NIT1: variants seen among roughly 807,000 people sequenced by gnomAD.
The protein encoded by NIT1 is deaminated glutathione amidase.
Under a neutral mutation model 36.8 loss-of-function variants are expected in NIT1, and 30 were observed. That is an observed-to-expected ratio of 0.82 (90% CI 0.61 to 1.11). NIT1 has a LOEUF of 1.11. Among genes scored for constraint, NIT1 ranks in the 50% least tolerant of loss-of-function variants. The pLI is 0.00. For synonymous variants in NIT1, 151 were observed against 155.6 expected (o/e 0.97, Z 0.22); for missense variants, 438 against 410.6 (o/e 1.07, Z -0.58).
chr1:161,120,631 C>T lies in NIT1; in HGVS notation c.850C>T (p.Arg284Cys), dbSNP rs746087991. Residue 284 changes from arginine to cysteine, a missense_variant, in exon 7 of 7, where the codon CGC becomes TGC. Arg to Cys is a radical substitution (Grantham distance 180). Coordinates refer to ENST00000368009, the MANE Select transcript of NIT1 (RefSeq NM_005600.3). ...VVDPWGTVVA[R>C]CSEGPGLCLA... ...AGACCCCTGGGGAACAGTGGTGGCCCGCTGCTCTGAGGGGCCAGGCCTCTG... is the reference window on the plus strand; with the variant it reads ...AGACCCCTGGGGAACAGTGGTGGCCTGCTGCTCTGAGGGGCCAGGCCTCTG... 6.8e-6 allele frequency: 11 copies of T among 1,614,048 alleles called. No homozygotes were observed. Among genetic ancestry groups the T allele is most frequent in the African/African-American group, 2.7e-5 (2 of 74,920 alleles).
intron 1 of NIT1, 116 bp from the exon 2 acceptor site, chr1:161,118,670 G>C (rs1655083959): frequency 6.8e-7 from 1 of 1,476,520 alleles, no homozygotes; most frequent in Admixed American, 1.9e-5. Flanking sequence ...TTGAAGACTA[G>C]GTTTTTACTG....
downstream of NIT1, chr1:161,124,287 C>A (rs1357146985): frequency 6.2e-7 from 1 of 1,614,084 alleles, no homozygotes; most frequent in Non-Finnish European, 8.5e-7. Flanking sequence ...TCGGATGAGT[C>A]CACGCTCGTG....
At chr1:161,122,234 G>T (rs775789188), downstream of NIT1, 5 of 1,614,096 alleles carry the variant, frequency 3.1e-6, no homozygotes, top group Non-Finnish European at 4.2e-6. This position sits in a 1 kb window ranked among gnomAD's most constrained non-coding sequence, Gnocchi z 4.2. Flanking sequence ...CCAGCAGCTT[G>T]ATGGCTTCAT....
intron 2 of NIT1, 46 bp downstream of exon 2, chr1:161,118,927 AGTTT>A (rs757860110): frequency 9.5e-6 from 14 of 1,467,594 alleles, no homozygotes; most frequent in Non-Finnish European, 1.3e-5. Context: ...TTAGATGCTC[AGTTT>A]GTTAAATGGA....
chr1:161,119,186 G>A lies in NIT1; in HGVS notation c.151G>A (p.Val51Met), dbSNP rs760352516. The part of the protein sequence containing the change: ...SSSCELPLVA[V>M]CQVTSTPDKQ... ...CTCCTGCGAACTGCCCCTGGTGGCT[G>A]TGTGCCAGGTAACATCGACGCCAGA... The change falls in exon 3 of 7, where the codon GTG becomes ATG. Residue 51 changes from valine to methionine, a missense_variant. Physicochemically the swap from Val to Met is conservative, Grantham distance 21. Transcript: ENST00000368009. 14 of 1,614,142 alleles carry A rather than the reference G, an allele frequency of 8.7e-6. No homozygotes were observed. Among genetic ancestry groups the A allele is most frequent in the Non-Finnish European group, 1.2e-5 (14 of 1,180,032 alleles).
rs1290948297 is a variant in NIT1, at chr1:161,118,182, G to C, written c.2+4G>C. ...ATGGTTTTGGCTATATCTTCATGTA[G>C]GACCTACTCCCTATCCCGTCGGCCG... On this transcript the variant is annotated splice_donor_region_variant and intron_variant, in intron 1 of 6. Transcript: ENST00000368009. 1 of 1,613,974 alleles carries C rather than the reference G, an allele frequency of 6.2e-7. No homozygotes were observed. Among genetic ancestry groups the C allele is most frequent in the East Asian group, 2.2e-5 (1 of 44,898 alleles).
chr1:161,122,996 T>G, downstream of NIT1: 1 of 1,614,066 alleles, frequency 6.2e-7, no homozygotes, highest in Admixed American at 1.7e-5. This position sits in a 1 kb window ranked among gnomAD's most constrained non-coding sequence, Gnocchi z 4.2. Flanking sequence ...CTGAATAGCA[T>G]AAACTGCCCA....
In NIT1 at chr1:161,120,832, A is replaced by G. The variant is rs1278036458; in HGVS notation, c.*67A>G. 1.3e-6 allele frequency: 2 copies of G among 1,554,522 alleles called. No individual in the cohort carries two copies. Among genetic ancestry groups the G allele is most frequent in the African/African-American group, 1.4e-5 (1 of 73,082 alleles). On this transcript the variant is annotated 3_prime_UTR_variant, in exon 7 of 7. Coordinates refer to ENST00000368009, the MANE Select transcript of NIT1 (RefSeq NM_005600.3). The stretch of plus-strand genomic sequence containing the variant: ...ACCCTGCCACTATGAGCTAGTGCTC[A>G]TGTGACTTGGAGGCAGGATCCAGGC...
intron 1 of NIT1, 122 bp downstream of exon 1, chr1:161,118,300 G>GGGAGGGT (rs1655050549): frequency 6.3e-7 from 1 of 1,577,354 alleles, no homozygotes; most frequent in Non-Finnish European, 8.6e-7. Context: ...AGCGGGCGGC[G>GGGAGGGT]GGAGGGTGGA....
downstream of NIT1, chr1:161,123,896 C>A (rs769466281): frequency 2.5e-6 from 4 of 1,614,044 alleles, no homozygotes; most frequent in Non-Finnish European, 3.4e-6. Flanking sequence ...CTGGGGGTCA[C>A]ATAGCGAATT....
chr1:161,122,959 G>A (rs772698164), downstream of NIT1: 9 of 1,596,954 alleles, frequency 5.6e-6, no homozygotes, highest in East Asian at 1.6e-4. This position sits in a 1 kb window ranked among gnomAD's most constrained non-coding sequence, Gnocchi z 4.2. Context: ...GCCTCACTTT[G>A]CAATGGCAAT....
rs1557971571 is a variant in NIT1, at chr1:161,119,844, GAC to G, written c.487_488del (p.His163SerfsTer3). On this transcript the variant is annotated frameshift_variant, in exon 5 of 7. Transcript: ENST00000368009. LOFTEE classifies it high-confidence loss of function. ...GGGCAGTAGTGGCCACTTACAGGAA[GAC>G]ACATCTGTGTGACGTAGAGATTCCA... ...KGAVVATYRKTHLCDVEIPGQ... is the reference protein window; with the variant it reads ...KGAVVATYRKXHLCDVEIPGQ... 1 of 1,610,086 alleles carries G rather than the reference GAC, an allele frequency of 6.2e-7. No homozygotes were observed. The highest frequency in any genetic ancestry group is 2.2e-5 in the East Asian group (1 of 44,856).
chr1:161,119,214 A>AG lies in NIT1; in HGVS notation c.180dup (p.Gln61AlafsTer5). The AG allele has an allele frequency of 6.2e-7, 1 of 1,614,188 alleles. No homozygotes were observed. Among genetic ancestry groups the AG allele is most frequent in the Non-Finnish European group, 8.5e-7 (1 of 1,180,046 alleles). On this transcript the variant is annotated frameshift_variant, in exon 3 of 7. Coordinates refer to ENST00000368009, the MANE Select transcript of NIT1 (RefSeq NM_005600.3). LOFTEE classifies it high-confidence loss of function. ...TGCCAGGTAACATCGACGCCAGACAAGCAACAGAACTTTAAAACATGTGCT... is the reference window on the plus strand; with the variant it reads ...TGCCAGGTAACATCGACGCCAGACAAGGCAACAGAACTTTAAAACATGTGCT...
downstream of NIT1, chr1:161,124,691 G>A (rs1655966089): frequency 2.2e-6 from 2 of 924,646 alleles, no homozygotes; most frequent in Admixed American, 3.4e-5. Context: ...GCCAGGCACA[G>A]GGGCTCACAC....
chr1:161,118,316 G>A (rs1189837047), intron 1 of NIT1, 138 bp downstream of exon 1: 1 of 1,547,568 alleles, frequency 6.5e-7, no homozygotes, highest in Non-Finnish European at 8.7e-7. Context: ...GTGGAGGGCG[G>A]GGCGCGGCTT....
downstream of NIT1, chr1:161,125,385 A>T (rs1177159231): frequency 6.6e-6 from 1 of 152,198 alleles, no homozygotes; most frequent in Admixed American, 6.5e-5. Context: ...ACTGCTCAGA[A>T]AGTTTATCAA....
chr1:161,118,641 A>C, intron 1 of NIT1, 145 bp from the exon 2 acceptor site: 1 of 1,524,196 alleles, frequency 6.6e-7, no homozygotes, highest in Non-Finnish European at 8.8e-7. Context: ...TTAGCCTATA[A>C]TTTCTTATAA....
chr1:161,120,475 A>C (rs1326313116), intron 6 of NIT1, 24 bp from the exon 7 acceptor site: 3 of 1,610,072 alleles, frequency 1.9e-6, no homozygotes, highest in Non-Finnish European at 2.5e-6. Flanking sequence ...CATGTACTTA[A>C]GTGAACACAC....
In NIT1 at chr1:161,118,738, T is replaced by G. The variant is rs144628848; in HGVS notation, c.3-48T>G. 274 of 1,519,560 alleles carry G rather than the reference T, an allele frequency of 1.8e-4. 1 individual carries two copies. The East Asian group carries it at 3.7e-3, about 20-fold the overall frequency. 94.1% of individuals were successfully genotyped at this position (1,519,560 alleles called of 1,614,324 possible). A position where few individuals can be genotyped will look rare whatever the true frequency, so the allele number is the denominator to read the frequency against. On this transcript the variant is annotated intron_variant, in intron 1 of 6. Coordinates refer to ENST00000368009, the MANE Select transcript of NIT1 (RefSeq NM_005600.3). ...AGAGAAGTCAGAGAATCCTAGAAAT[T>G]TATTGCTTGAAGAAGGGGTTGGTGT...
Sources: gnomAD v4.1 joint callset for allele counts on GRCh38, gnomAD v4.1.1 for gene constraint, Gnocchi (gnomAD v3.1) non-coding constraint, MANE v1.5 for transcripts, NCBI Gene and HGNC (gene_info 2026-07-23, HGNC 2026-07-21) for gene names.